The following RAD18 variants were observed in gnomAD, a reference collection of about 807,000 sequenced individuals.
RAD18 encodes RAD18 E3 ubiquitin protein ligase.
RAD18 carries 47 observed loss-of-function variants against 60.4 expected under a neutral mutation model. The observed-to-expected ratio is 0.78, with a 90% CI of 0.62 to 0.99. The LOEUF is 0.99. Among genes scored for constraint, RAD18 ranks in the 50% least tolerant of loss-of-function variants. The probability of loss-of-function intolerance (pLI) is 0.00; values close to 1 mark genes in which losing one functional copy is unlikely to be tolerated. For missense variants in RAD18, 640 were observed against 593.3 expected, an observed-to-expected ratio of 1.08 and a Z score of -0.82; for synonymous variants, 225 against 195.5, an observed-to-expected ratio of 1.15 and a Z score of -1.26.
chr3:8,960,736 A>G (rs13063955), intron 1 of RAD18, among the ~76,000 whole-genome samples: 3,427 of 152,316 alleles, frequency 0.022, 59 homozygotes, highest in Non-Finnish European at 0.032. Context: ...ATCAAACCCA[A>G]GAAGTTGACT....
intron 6 of RAD18, among the ~76,000 whole-genome samples, chr3:8,936,355 TGTGGAA>T (rs1423313518): frequency 2.0e-5 from 3 of 152,216 alleles, no homozygotes; most frequent in South Asian, 2.1e-4. Flanking sequence ...ATGTAACGCT[TGTGGAA>T]TATGCTGTGA....
In RAD18 at chr3:8,935,940, G is replaced by C; in HGVS notation, c.820C>G (p.Leu274Val). The change falls in exon 7 of 13, where the codon CTC (leucine) becomes GTC (valine). Residue 274 changes from leucine to valine, a missense_variant. Coordinates refer to ENST00000264926, the MANE Select transcript of RAD18 (RefSeq NM_020165.4). ...ACAAATTCTTGGTGCCTTTTAATGA[G>C]CTGTTGTTTATTTCCTTGAATAGAT... ...GLSIQGNKQQ[L>V]IKRHQEFVHM... is the part of the protein sequence containing the mutation. 1.2e-6 allele frequency: 2 copies of C among 1,611,960 alleles called. No individual in the cohort carries two copies. The highest frequency in any genetic ancestry group is 1.7e-6 in the Non-Finnish European group (2 of 1,178,582).
In RAD18 at chr3:8,899,048, C is replaced by G. The variant is rs756188698; in HGVS notation, c.1169-1G>C. ...ACTGAGGTCATATTATCTTCCTGTC[C>G]TAGGAAAAAATAAATTTAAGAGTAC... On this transcript the variant is annotated splice_acceptor_variant, in intron 10 of 12. Coordinates refer to ENST00000264926, the MANE Select transcript of RAD18 (RefSeq NM_020165.4). LOFTEE classifies it high-confidence loss of function. The G allele has an allele frequency of 1.1e-5, 17 of 1,568,312 alleles. No individual in the cohort carries two copies. The highest frequency in any genetic ancestry group is 8.6e-7 in the Non-Finnish European group (1 of 1,158,260).
intron 2 of RAD18, among the ~76,000 whole-genome samples, chr3:8,955,521 T>C (rs1231204682): frequency 6.6e-6 from 1 of 151,952 alleles, no homozygotes; most frequent in Admixed American, 6.6e-5. Context: ...AATAGTGGAG[T>C]GTGTGACCAA....
In RAD18 at chr3:8,958,923, T is replaced by TCACTTAC. The variant is rs1439742960; in HGVS notation, c.129_130insGTAAGTG (p.Asn44ValfsTer16). 1.9e-6 allele frequency: 3 copies of TCACTTAC among 1,611,366 alleles called. No homozygotes were observed. Among genetic ancestry groups the TCACTTAC allele is most frequent in the Non-Finnish European group, 2.5e-6 (3 of 1,177,802 alleles). On this transcript the variant is annotated frameshift_variant, in exon 2 of 13. Coordinates refer to ENST00000264926, the MANE Select transcript of RAD18 (RefSeq NM_020165.4). LOFTEE classifies it high-confidence loss of function. ...CACAGGAACAAAACATACTTACAGT[T>TCACTTAC]ATGTGAACACTGAGGTATTATCATT...
intron 6 of RAD18, among the ~76,000 whole-genome samples, chr3:8,936,389 A>G (rs938996622): frequency 6.6e-6 from 1 of 152,212 alleles, no homozygotes; most frequent in Admixed American, 6.5e-5. Flanking sequence ...ACTTAGAATC[A>G]CACTTACATA....
At chr3:8,901,242 T>C (rs1939907392) in intron 10 of RAD18, among the ~76,000 whole-genome samples, 1 of 152,190 alleles carries the variant, frequency 6.6e-6, no homozygotes, top group African/African-American at 2.4e-5. Context: ...TGTAAGATAA[T>C]GCAGCCACTA....
chr3:8,942,676 T>C (rs903774625), intron 4 of RAD18, among the ~76,000 whole-genome samples: 1 of 152,214 alleles, frequency 6.6e-6, no homozygotes, highest in Non-Finnish European at 1.5e-5. Flanking sequence ...AACATTGATC[T>C]TACTTGTTAG....
At chr3:8,949,434 A>G (rs1026538515) in intron 2 of RAD18, among the ~76,000 whole-genome samples, 4 of 152,160 alleles carry the variant, frequency 2.6e-5, no homozygotes, top group African/African-American at 9.7e-5. Flanking sequence ...AAGTAAGAGC[A>G]CCCCAGGAGG....
intron 12 of RAD18, chr3:8,890,188 A>C (rs944072433): frequency 1.8e-6 from 1 of 568,192 alleles, no homozygotes; most frequent in Non-Finnish European, 3.1e-6. Flanking sequence ...CTGATACATA[A>C]CTACAGTTAT....
At chr3:8,919,614 G>GTA (rs1190583000) in intron 7 of RAD18, among the ~76,000 whole-genome samples, 1 of 152,306 alleles carries the variant, frequency 6.6e-6, no homozygotes, top group South Asian at 2.1e-4. Flanking sequence ...GTGTGCGTAT[G>GTA]TATATATATG....
At position 8,939,589 on chromosome 3, in the gene RAD18, A is replaced by G. The variant is rs1368148826; in HGVS notation, c.669T>C (p.Cys223=). The change falls in exon 6 of 13, where the codon TGT becomes TGC. Residue 223 remains cysteine (C), a synonymous_variant. Transcript: ENST00000264926. ...ESHINKHLDS[C]LSREEKKESL... ...TTTCCTTCTTCTCTTCGCGTGATAAACAGCTGTCTAAATGCTTATTAATGT... is the reference window on the plus strand; with the variant it reads ...TTTCCTTCTTCTCTTCGCGTGATAAGCAGCTGTCTAAATGCTTATTAATGT... 6.2e-7 allele frequency: 1 copy of G among 1,613,198 alleles called. No individual in the cohort carries two copies. The highest frequency in any genetic ancestry group is 8.5e-7 in the Non-Finnish European group (1 of 1,179,350).
At chr3:8,920,010 C>T (rs1940286618) in intron 7 of RAD18, among the ~76,000 whole-genome samples, 1 of 152,204 alleles carries the variant, frequency 6.6e-6, no homozygotes, top group African/African-American at 2.4e-5. Context: ...AGGCCGGGCG[C>T]AGTGGCTCAC....
intron 7 of RAD18, among the ~76,000 whole-genome samples, chr3:8,927,536 T>C (rs1940462941): frequency 6.6e-6 from 1 of 152,190 alleles, no homozygotes; most frequent in Non-Finnish European, 1.5e-5. Flanking sequence ...GAAATACCAT[T>C]TGACCCAGCC....
At chr3:8,882,071 A>G (rs45595540) in intron 12 of RAD18, among the ~76,000 whole-genome samples, 5,705 of 152,302 alleles carry the variant, frequency 0.037, 353 homozygotes, top group African/African-American at 0.13. Flanking sequence ...GGTGCTCACA[A>G]GAAAGACTGG....
At chr3:8,960,371 C>T (rs1174100569) in intron 1 of RAD18, among the ~76,000 whole-genome samples, 4 of 152,050 alleles carry the variant, frequency 2.6e-5, no homozygotes, top group Non-Finnish European at 5.9e-5. Flanking sequence ...AGAAGATAAA[C>T]AAGAAGTCAT....
rs956138404 is a variant in RAD18 at position 8,881,071 on chromosome 3, TGTGCCAAA to T, written c.*278_*285del. 3.9e-5 allele frequency: 11 copies of T among 282,428 alleles called. No homozygotes were observed. The highest frequency in any genetic ancestry group is 2.2e-4 in the African/African-American group (10 of 44,864). 17.5% of individuals were successfully genotyped at this position (282,428 alleles called of 1,614,324 possible). On this transcript the variant is annotated 3_prime_UTR_variant, in exon 13 of 13. Coordinates refer to ENST00000264926, the MANE Select transcript of RAD18 (RefSeq NM_020165.4). ...ACCAAACCAAACCAAACCAAATCCC[TGTGCCAAA>T]GTGCCAAAGAGTCTACCTCCTCTGC...
rs907328860 is a variant in RAD18 at position 8,958,983 on chromosome 3, G to A, written c.70C>T (p.Arg24Trp). ...AAATACTCGAAGCAAATTCCACACC[G>A]CAGCAAATCATCTATTGTCTGAAAT... The part of the protein sequence containing the change: ...AVMKTIDDLL[R>W]CGICFEYFNI... The change falls in exon 2 of 13, where the codon CGG becomes TGG. Residue 24 changes from arginine (R) to tryptophan (W), a missense_variant. Arg to Trp is a moderately radical substitution (Grantham distance 101, BLOSUM62 -3). Transcript: ENST00000264926. 1.1e-5 allele frequency: 18 copies of A among 1,613,064 alleles called. No individual in the cohort carries two copies. The highest frequency in any genetic ancestry group is 1.4e-5 in the Non-Finnish European group (17 of 1,179,396).
intron 2 of RAD18, 74 bp from the exon 3 acceptor site, chr3:8,948,644 T>C: frequency 7.7e-7 from 1 of 1,295,732 alleles, no homozygotes; most frequent in Non-Finnish European, 1.1e-6. Context: ...TCTAACAAAA[T>C]CTTAAGCCCT....
Sources: allele counts gnomAD v4.1 joint callset (sites outside exome capture counted in the v4.1 genomes callset), GRCh38; gene constraint gnomAD v4.1.1; transcripts MANE v1.5; gene names NCBI Gene and HGNC (gene_info 2026-07-23, HGNC 2026-07-21).